The following SOX6 variants were observed in gnomAD, a reference collection of about 807,000 sequenced individuals.
SOX6 encodes the protein SRY-box transcription factor 6, also known as transcription factor SOX-6.
Under a neutral mutation model 97.8 loss-of-function variants are expected in SOX6, and 11 were observed. That is an observed-to-expected ratio of 0.11 (90% CI 0.07 to 0.19). The LOEUF (loss-of-function observed/expected upper bound fraction) is 0.19, where lower values mean the gene tolerates loss of function less well. Ranked by LOEUF, SOX6 falls within the 10% of genes least tolerant of loss-of-function variation. The pLI, the probability that SOX6 is intolerant of heterozygous loss-of-function variation, is 1.00. For missense variants in SOX6, 810 were observed against 1,039.5 expected (o/e 0.78, Z 3.04); for synonymous variants, 360 against 371.4 (o/e 0.97, Z 0.35).
At chr11:16,722,334 G>T (rs1848273394) in intron 2 of SOX6, among the ~76,000 whole-genome samples, 1 of 152,112 alleles carries the variant, frequency 6.6e-6, no homozygotes, top group Non-Finnish European at 1.5e-5. Flanking sequence ...AAATTTACAA[G>T]AGAGAAATAA....
rs78530220 is a variant in SOX6, at chr11:16,300,130, G to A, written c.445+18316C>T. Among the ~76,000 whole-genome samples, 1,120 of 152,240 alleles carry A rather than the reference G, an allele frequency of 7.4e-3. 18 individuals are homozygous for A. The highest frequency in any genetic ancestry group is 0.026 in the African/African-American group (1,067 of 41,538). On this transcript the variant is annotated intron_variant, in intron 3 of 15. Transcript: ENST00000683767. This position sits in a 1 kb window ranked among gnomAD's most constrained non-coding sequence, Gnocchi z 4.1. Reference sequence around the variant, plus strand: ...GCGGCTGCTCACTGTGGGATGGCAAGCGAGGCCCTTCCTCCTTCAGCAAGC... The same window carrying A: ...GCGGCTGCTCACTGTGGGATGGCAAACGAGGCCCTTCCTCCTTCAGCAAGC...
rs149601864 is a variant in SOX6, at chr11:16,598,098, C to T, written n.609+13983G>A. 6.6e-3 allele frequency among the ~76,000 whole-genome samples: 1,011 copies of T among 152,164 alleles called. 6 individuals are homozygous for T. Among genetic ancestry groups the T allele is most frequent in the African/African-American group, 0.022 (913 of 41,554 alleles). On this transcript the variant is annotated intron_variant and non_coding_transcript_variant, in intron 4 of 5. Coordinates refer to the SOX6 transcript ENST00000524520. ...GAACCACTTCAACTATAACAGATAA[C>T]ATGTATTAAATGTTTATTTTATACC...
intron 6 of SOX6, among the ~76,000 whole-genome samples, chr11:16,122,299 A>G (rs1322508434): frequency 6.6e-6 from 1 of 152,062 alleles, no homozygotes; most frequent in Non-Finnish European, 1.5e-5. Context: ...ATTTCCAAAG[A>G]CTAGTGAAGA....
At chr11:16,056,994 C>G (rs1047768473) in intron 9 of SOX6, among the ~76,000 whole-genome samples, 4 of 152,164 alleles carry the variant, frequency 2.6e-5, no homozygotes, top group East Asian at 1.9e-4. Flanking sequence ...AAGAGCATGA[C>G]CAAAATGTAC....
intron 4 of SOX6, 76 bp from the exon 5 acceptor site, chr11:16,187,031 A>C (rs1458390827): frequency 6.7e-7 from 1 of 1,487,462 alleles, no homozygotes; most frequent in South Asian, 1.1e-5. Context: ...GGCAGAATTT[A>C]GAAAGGGACT....
chr11:16,555,680 CTT>C, intron 4 of SOX6, among the ~76,000 whole-genome samples: 1 of 151,598 alleles, frequency 6.6e-6, no homozygotes, highest in Non-Finnish European at 1.5e-5. Flanking sequence ...CATATAAAGT[CTT>C]GGACACATAA....
At chr11:16,305,162 C>G (rs1020511705) in intron 3 of SOX6, among the ~76,000 whole-genome samples, 4 of 152,048 alleles carry the variant, frequency 2.6e-5, no homozygotes, top group African/African-American at 9.7e-5. Context: ...ATTTCCAAAC[C>G]ATGTATCTAT....
chr11:16,305,197 A>G (rs948456355), intron 3 of SOX6, among the ~76,000 whole-genome samples: 7 of 152,322 alleles, frequency 4.6e-5, no homozygotes, highest in South Asian at 2.1e-4. Context: ...TTAGAATAAT[A>G]AAAAACTTTC....
chr11:16,158,892 GTGTGTA>G (rs2134066999), intron 6 of SOX6, among the ~76,000 whole-genome samples: 1 of 150,154 alleles, frequency 6.7e-6, no homozygotes, highest in East Asian at 2.1e-4. Context: ...GTGTGTGTGT[GTGTGTA>G]TCTGTGTGTT....
At chr11:16,080,312 C>T (rs886524802) in intron 9 of SOX6, among the ~76,000 whole-genome samples, 5 of 145,708 alleles carry the variant, frequency 3.4e-5, no homozygotes, top group Non-Finnish European at 6.0e-5. Context: ...TGAGGTCTTA[C>T]AAGTTTCTAT....
intron 1 of SOX6, among the ~76,000 whole-genome samples, chr11:16,444,011 C>CA (rs11448266): frequency 0.6 from 68,860 of 115,350 alleles, 20,510 homozygotes; most frequent in Non-Finnish European, 0.68. Context: ...GACTCTGTCT[C>CA]AAAAAAAAAA....
At chr11:16,149,777 T>C (rs1422859256) in intron 6 of SOX6, among the ~76,000 whole-genome samples, 1 of 152,204 alleles carries the variant, frequency 6.6e-6, no homozygotes, top group Non-Finnish European at 1.5e-5. Flanking sequence ...AGAAGTGAGA[T>C]ACAAATTTTG....
intron 6 of SOX6, among the ~76,000 whole-genome samples, chr11:16,129,659 A>G (rs1027612124): frequency 3.3e-5 from 5 of 152,170 alleles, no homozygotes; most frequent in African/African-American, 9.6e-5. Flanking sequence ...AAATCAATCA[A>G]TATAATTCAT....
chr11:16,357,542 C>T (rs1857105665), upstream of SOX6, among the ~76,000 whole-genome samples: 1 of 152,062 alleles, frequency 6.6e-6, no homozygotes, highest in South Asian at 2.1e-4. Flanking sequence ...ATTGTTAATG[C>T]TTTAAAGAAT....
chr11:16,734,026 CA>C (rs912566097), intron 2 of SOX6, among the ~76,000 whole-genome samples: 7,667 of 64,990 alleles, frequency 0.12, 163 homozygotes, highest in African/African-American at 0.17. Flanking sequence ...GACTTTGTCT[CA>C]AAAAAAAAAA....
intron 3 of SOX6, among the ~76,000 whole-genome samples, chr11:16,671,919 A>G (rs1847850251): frequency 6.6e-6 from 1 of 152,206 alleles, no homozygotes; most frequent in Non-Finnish European, 1.5e-5. Flanking sequence ...GTCACCTACA[A>G]AGGAAACACC....
chr11:16,332,768 T>G (rs1428781609), intron 2 of SOX6, among the ~76,000 whole-genome samples: 1 of 152,104 alleles, frequency 6.6e-6, no homozygotes, highest in Non-Finnish European at 1.5e-5. Context: ...GTCAAGAGAA[T>G]GTAGTAAAGG....
intron 13 of SOX6, among the ~76,000 whole-genome samples, chr11:15,991,777 A>G (rs990667284): frequency 3.3e-5 from 5 of 152,148 alleles, no homozygotes; most frequent in Non-Finnish European, 7.4e-5. Context: ...GGATTTTTAG[A>G]TGCTGGCTTT....
At chr11:16,482,331 C>T (rs531979533) in intron 4 of SOX6, among the ~76,000 whole-genome samples, 6 of 152,200 alleles carry the variant, frequency 3.9e-5, no homozygotes, top group Admixed American at 2.0e-4. Context: ...GACTTTGTAA[C>T]ATCATACATT....
Sources: allele counts gnomAD v4.1 joint callset (sites outside exome capture counted in the v4.1 genomes callset), GRCh38; gene constraint gnomAD v4.1.1; non-coding constraint Gnocchi (gnomAD v3.1); transcripts MANE v1.5; gene names NCBI Gene and HGNC (gene_info 2026-07-23, HGNC 2026-07-21).